The following VPS41 variants were observed in gnomAD, a reference collection of about 807,000 sequenced individuals.
VPS41 encodes the protein vacuolar protein sorting-associated protein 41 homolog.
VPS41 carries 85 observed loss-of-function variants against 130.9 expected under a neutral mutation model. That is an observed-to-expected ratio of 0.65 (90% confidence interval 0.55 to 0.78). VPS41 has a LOEUF of 0.78. VPS41 is among the 30% of genes least tolerant of loss of function. The pLI, the probability that VPS41 is intolerant of heterozygous loss-of-function variation, is 0.00. For synonymous variants in VPS41, 335 were observed against 332.9 expected, an observed-to-expected ratio of 1.01 and a Z score of -0.07; for missense variants, 874 against 1,018.7, an observed-to-expected ratio of 0.86 and a Z score of 1.93.
chr7:38,729,837 A>T (rs1475020785), intron 25 of VPS41, among the ~76,000 whole-genome samples: 1 of 152,120 alleles, frequency 6.6e-6, no homozygotes, highest in Non-Finnish European at 1.5e-5. Context: ...GTGAGCTCCC[A>T]CCCTTTGCTG....
intron 2 of VPS41, among the ~76,000 whole-genome samples, chr7:38,884,050 T>C (rs1011202122): frequency 6.6e-6 from 1 of 152,242 alleles, no homozygotes; most frequent in African/African-American, 2.4e-5. Flanking sequence ...ATTACCATTT[T>C]TGTTATTAGT....
chr7:38,905,499 A>G (rs1418772625), intron 1 of VPS41, among the ~76,000 whole-genome samples: 1 of 152,212 alleles, frequency 6.6e-6, no homozygotes, highest in Non-Finnish European at 1.5e-5. Context: ...TTATAAAAAA[A>G]TTTTCATTCA....
intron 5 of VPS41, among the ~76,000 whole-genome samples, chr7:38,824,040 G>A (rs1785223234): frequency 1.3e-5 from 2 of 152,172 alleles, no homozygotes; most frequent in Non-Finnish European, 2.9e-5. Context: ...GTGAAAAGAA[G>A]GAGGTTCCTG....
chr7:38,821,292 T>G lies in VPS41; in HGVS notation c.322-27A>C, dbSNP rs1465641809. 1.0e-5 allele frequency: 16 copies of G among 1,561,206 alleles called. 1 individual carries two copies. The South Asian group carries it at 1.8e-4, about 17-fold the overall frequency. On this transcript the variant is annotated intron_variant, in intron 5 of 28. Transcript: ENST00000310301. ...TACAAAGAAAATGGATTGTATCAGC[T>G]CACCATGACAGCAATAGAGAAGGCT... is the stretch of plus-strand genomic sequence containing the variant.
chr7:38,769,125 G>C (rs762916632), intron 14 of VPS41, among the ~76,000 whole-genome samples: 2 of 152,002 alleles, frequency 1.3e-5, no homozygotes, highest in African/African-American at 2.4e-5. Flanking sequence ...AGCTGACCTC[G>C]TCTTACCCTT....
At chr7:38,883,842 CAT>C (rs1786665028) in intron 2 of VPS41, among the ~76,000 whole-genome samples, 1 of 152,078 alleles carries the variant, frequency 6.6e-6, no homozygotes, top group African/African-American at 2.4e-5. Context: ...AGTTTCCAAA[CAT>C]ATAATTTTTA....
intron 25 of VPS41, among the ~76,000 whole-genome samples, chr7:38,734,897 C>T (rs1264300811): frequency 6.6e-6 from 1 of 152,166 alleles, no homozygotes; most frequent in Non-Finnish European, 1.5e-5. Flanking sequence ...CTAATCCTTC[C>T]TTTAGGTCAC....
At chr7:38,857,545 A>G (rs531633082) in intron 4 of VPS41, among the ~76,000 whole-genome samples, 63 of 152,372 alleles carry the variant, frequency 4.1e-4, no homozygotes, top group Admixed American at 9.8e-4. Context: ...CTGCTTCAAC[A>G]TAAGTACCCT....
intron 2 of VPS41, among the ~76,000 whole-genome samples, chr7:38,888,961 T>TG (rs1002339530): frequency 8.4e-5 from 5 of 59,638 alleles, no homozygotes; most frequent in East Asian, 5.3e-4. Flanking sequence ...CTGTGGGGGG[T>TG]GGGGGGCTAG....
intron 7 of VPS41, among the ~76,000 whole-genome samples, chr7:38,809,332 A>T (rs1314695200): frequency 5.4e-5 from 8 of 148,124 alleles, no homozygotes; most frequent in African/African-American, 1.2e-4. Flanking sequence ...AAAATACAAA[A>T]ATATATATAT....
At position 38,821,248 on chromosome 7, in the gene VPS41, C is replaced by T. The variant is rs1227430578; in HGVS notation, c.339G>A (p.Leu113=). Residue 113 remains leucine, a synonymous_variant, in exon 6 of 29, where the codon CTG becomes CTA. Transcript: ENST00000310301. ...SEDGKVQVFG[L]YSGEEFHETF... ...TCTCGTGAAATTCTTCTCCAGAATA[C>T]AGTCCAAATACCTGCACCTACAAAG... The T allele has an allele frequency of 6.2e-7, 1 of 1,613,674 alleles. No individual in the cohort carries two copies. The highest frequency in any genetic ancestry group is 8.5e-7 in the Non-Finnish European group (1 of 1,179,720).
At chr7:38,794,773 A>G (rs1294979824) in intron 9 of VPS41, among the ~76,000 whole-genome samples, 1 of 152,134 alleles carries the variant, frequency 6.6e-6, no homozygotes, top group Non-Finnish European at 1.5e-5. Flanking sequence ...TACTTCCACT[A>G]ATTTTTAGTT....
At chr7:38,772,411 C>T in intron 13 of VPS41, 111 bp downstream of exon 13, 1 of 704,424 alleles carries the variant, frequency 1.4e-6, no homozygotes, top group Non-Finnish European at 2.2e-6. Context: ...ATATTTTTGG[C>T]TTGGGAAACT....
intron 9 of VPS41, among the ~76,000 whole-genome samples, chr7:38,792,472 T>C (rs1784552787): frequency 6.6e-6 from 1 of 152,206 alleles, no homozygotes; most frequent in African/African-American, 2.4e-5. Flanking sequence ...GTTAGGTGAC[T>C]GTGATCTTAC....
chr7:38,885,650 C>T (rs968014967), intron 2 of VPS41, among the ~76,000 whole-genome samples: 24 of 152,154 alleles, frequency 1.6e-4, no homozygotes, highest in African/African-American at 5.6e-4. Flanking sequence ...CTCAGCATAA[C>T]ATGAGGCATA....
intron 6 of VPS41, 142 bp downstream of exon 6, chr7:38,821,061 A>G (rs1384386729): frequency 1.6e-6 from 1 of 638,464 alleles, no homozygotes; most frequent in East Asian, 2.6e-5. Context: ...ACAGCATCTA[A>G]ATAGTATCCA....
At chr7:38,803,692 A>G (rs746826307) in intron 7 of VPS41, among the ~76,000 whole-genome samples, 1 of 152,244 alleles carries the variant, frequency 6.6e-6, no homozygotes, top group Non-Finnish European at 1.5e-5. Context: ...TTAAAAGTCA[A>G]GAAGGCAAGT....
chr7:38,824,390 A>G (rs1785231009), intron 5 of VPS41, among the ~76,000 whole-genome samples: 1 of 152,216 alleles, frequency 6.6e-6, no homozygotes, highest in African/African-American at 2.4e-5. Context: ...ACAATTGGCA[A>G]TGTTTTGCTG....
chr7:38,758,308 T>C (rs1269225934), intron 18 of VPS41, 46 bp downstream of exon 18: 1 of 1,553,182 alleles, frequency 6.4e-7, no homozygotes. Flanking sequence ...TGAAAAACTT[T>C]TCAACACAGA....
Sources: allele counts gnomAD v4.1 joint callset (sites outside exome capture counted in the v4.1 genomes callset), GRCh38; gene constraint gnomAD v4.1.1; transcripts MANE v1.5; gene names NCBI Gene and HGNC (gene_info 2026-07-23, HGNC 2026-07-21).